The following NXPE2 variants were observed in gnomAD, a reference collection of about 807,000 sequenced individuals.
The protein encoded by NXPE2 is neurexophilin and PC-esterase domain family member 2, also known as NXPE family member 2.
NXPE2 carries 34 observed loss-of-function variants against 34.4 expected under a neutral mutation model. The observed-to-expected ratio is 0.99, with a 90% CI of 0.75 to 1.31. The LOEUF is 1.31. NXPE2 is among the 40% of genes most tolerant of loss of function. NXPE2 has a pLI of 0.00. For missense variants in NXPE2, 649 were observed against 672.5 expected (o/e 0.97, Z 0.39); for synonymous variants, 235 against 231.3 (o/e 1.02, Z -0.15).
chr11:114,521,162 C>G, the NXPE2 span, among the ~76,000 whole-genome samples: 3 of 141,180 alleles, frequency 2.1e-5, no homozygotes, highest in Admixed American at 6.8e-5. Flanking sequence ...TTGATTTTCT[C>G]TTTAACAGGA....
chr11:114,795,003 T>A, the NXPE2 span, among the ~76,000 whole-genome samples: 4 of 152,176 alleles, frequency 2.6e-5, no homozygotes, highest in Non-Finnish European at 5.9e-5. Flanking sequence ...AACAACAAGA[T>A]GATGCCTAAA....
chr11:114,585,716 C>A, the NXPE2 span, among the ~76,000 whole-genome samples: 4 of 152,064 alleles, frequency 2.6e-5, no homozygotes, highest in African/African-American at 9.7e-5. Context: ...GTAAAGGAGT[C>A]CTTGGCAAGG....
At chr11:114,522,270 C>T in the NXPE2 span, 1 of 1,613,998 alleles carries the variant, frequency 6.2e-7, no homozygotes, top group Non-Finnish European at 8.5e-7. Context: ...ATAAAAATGT[C>T]AATGGGAAAT....
the NXPE2 span, among the ~76,000 whole-genome samples, chr11:114,630,172 C>T: frequency 6.6e-6 from 1 of 151,744 alleles, no homozygotes; most frequent in Non-Finnish European, 1.5e-5. Flanking sequence ...AAAAAAACTA[C>T]TTTAAAGTTC....
chr11:114,629,410 AG>A, the NXPE2 span, among the ~76,000 whole-genome samples: 27 of 150,382 alleles, frequency 1.8e-4, no homozygotes, highest in Non-Finnish European at 2.5e-4. Context: ...ACAGAACCAA[AG>A]ACAAAAACCA....
chr11:114,577,181 A>T, the NXPE2 span, among the ~76,000 whole-genome samples: 1 of 139,906 alleles, frequency 7.1e-6, no homozygotes, highest in Non-Finnish European at 1.6e-5. Context: ...TATATATATA[A>T]AATGTTATAC....
At chr11:114,629,934 T>G in the NXPE2 span, among the ~76,000 whole-genome samples, 16 of 149,862 alleles carry the variant, frequency 1.1e-4, no homozygotes, top group African/African-American at 2.2e-4. Context: ...GCTTCAAAGA[T>G]AATAAAATAC....
the NXPE2 span, among the ~76,000 whole-genome samples, chr11:114,482,899 A>T: frequency 5.3e-5 from 8 of 152,160 alleles, no homozygotes; most frequent in African/African-American, 1.9e-4. Context: ...GCCAATTGTT[A>T]GTTGTAATTT....
chr11:114,762,051 A>G, the NXPE2 span, among the ~76,000 whole-genome samples: 3 of 152,206 alleles, frequency 2.0e-5, no homozygotes, highest in African/African-American at 7.2e-5. Context: ...TGGACATTCC[A>G]GAGGGGGAAA....
At chr11:114,602,877 G>A in the NXPE2 span, among the ~76,000 whole-genome samples, 1 of 146,282 alleles carries the variant, frequency 6.8e-6, no homozygotes, top group African/African-American at 2.5e-5. Context: ...TATAATTATA[G>A]AAACATAATT....
At chr11:114,618,637 T>C in the NXPE2 span, among the ~76,000 whole-genome samples, 1 of 152,018 alleles carries the variant, frequency 6.6e-6, no homozygotes, top group South Asian at 2.1e-4. Context: ...TAACCACTGT[T>C]CCCCGGTTTA....
chr11:114,742,691 AT>A, the NXPE2 span, among the ~76,000 whole-genome samples: 1 of 133,166 alleles, frequency 7.5e-6, no homozygotes, highest in Non-Finnish European at 1.6e-5. Context: ...CCATGATGGT[AT>A]TTTTGTTTGT....
chr11:114,466,434 G>GTTCCT, the NXPE2 span, among the ~76,000 whole-genome samples: 1 of 152,164 alleles, frequency 6.6e-6, no homozygotes, highest in Non-Finnish European at 1.5e-5. Context: ...GTGTAAGAGA[G>GTTCCT]TGCCTGTTTC....
the NXPE2 span, among the ~76,000 whole-genome samples, chr11:114,765,945 A>C: frequency 6.6e-6 from 1 of 152,248 alleles, no homozygotes; most frequent in African/African-American, 2.4e-5. Context: ...CACTGCTTAT[A>C]TGATTTTCCT....
rs193137753 is a variant in NXPE2, at chr11:114,698,651, G to T, written c.739G>T (p.Asp247Tyr). The T allele has an allele frequency of 2.8e-5, 45 of 1,614,182 alleles. No individual in the cohort carries two copies. The East Asian group carries it at 9.6e-4, about 34-fold the overall frequency. The change falls in exon 3 of 6, where the codon GAC becomes TAC. Residue 247 changes from aspartate (D) to tyrosine (Y), a missense_variant. Coordinates refer to ENST00000389586, the MANE Select transcript of NXPE2 (RefSeq NM_182495.6). ...TGCTGAACTGTGCCAGTACATGGATGACAGAGACCAAGAAGCCTTCTACTG... is the reference window on the plus strand; with the variant it reads ...TGCTGAACTGTGCCAGTACATGGATTACAGAGACCAAGAAGCCTTCTACTG... ...TNAELCQYMDDRDQEAFYCVR... is the reference protein window; with the variant it reads ...TNAELCQYMDYRDQEAFYCVR...
chr11:114,571,239 T>C, the NXPE2 span: 2 of 1,614,022 alleles, frequency 1.2e-6, no homozygotes, highest in East Asian at 2.2e-5. Flanking sequence ...GATAAAAACA[T>C]CAATGGGAAA....
chr11:114,707,813 C>A (rs1222737840), downstream of NXPE2, among the ~76,000 whole-genome samples: 1 of 152,154 alleles, frequency 6.6e-6, no homozygotes, highest in Non-Finnish European at 1.5e-5. Flanking sequence ...TTCTGTCTGG[C>A]GTATTTCACT....
At chr11:114,577,233 A>C in the NXPE2 span, among the ~76,000 whole-genome samples, 1 of 150,818 alleles carries the variant, frequency 6.6e-6, no homozygotes, top group African/African-American at 2.4e-5. Context: ...AAAGGAATGA[A>C]AGAATGGCAT....
chr11:114,651,559 T>G, the NXPE2 span, among the ~76,000 whole-genome samples: 1 of 152,232 alleles, frequency 6.6e-6, no homozygotes, highest in Non-Finnish European at 1.5e-5. Context: ...CTGGCTTTGC[T>G]GGCCAGCCTT....
Sources: allele counts gnomAD v4.1 joint callset (sites outside exome capture counted in the v4.1 genomes callset), GRCh38; gene constraint gnomAD v4.1.1; transcripts MANE v1.5; gene names NCBI Gene and HGNC (gene_info 2026-07-23, HGNC 2026-07-21).